The following PTPN4 variants were observed in gnomAD, a reference collection of about 807,000 sequenced individuals.
The protein encoded by PTPN4 is tyrosine-protein phosphatase non-receptor type 4.
PTPN4 carries 49 observed loss-of-function variants against 135.5 expected under a neutral mutation model. That is an observed-to-expected ratio of 0.36 (90% CI 0.29 to 0.46). PTPN4 has a LOEUF of 0.46. Ranked by LOEUF, PTPN4 falls within the 20% of genes least tolerant of loss-of-function variation. The pLI is 1.00. For synonymous variants in PTPN4, 333 were observed against 369.9 expected (o/e 0.90, Z 1.14); for missense variants, 860 against 1,101.0 (o/e 0.78, Z 3.10).
intron 19 of PTPN4, among the ~76,000 whole-genome samples, chr2:119,952,334 A>G (rs1167527853): frequency 1.3e-5 from 2 of 151,472 alleles, no homozygotes; most frequent in East Asian, 1.9e-4. Context: ...ACTTTCCTCT[A>G]TTCTACACTA....
rs70949378 is a variant in PTPN4 at position 119,973,655 on chromosome 2, GTTTTTTT to G, written c.2695-3308_2695-3302del. ...TTGAAAGCTTCCTCCTTCATTTCTT[GTTTTTTT>G]TTTTTTTTTTTTTTTTTTTTGGTAA... On this transcript the variant is annotated intron_variant, in intron 26 of 26. Transcript: ENST00000263708. Among the ~76,000 whole-genome samples the G allele has an allele frequency of 8.6e-4, 33 of 38,390 alleles. No individual in the cohort carries two copies. In the South Asian group the frequency reaches 0.018, roughly 21 times the overall value. 25.2% of individuals were successfully genotyped at this position (38,390 alleles called of 152,430 possible).
intron 18 of PTPN4, among the ~76,000 whole-genome samples, chr2:119,951,690 A>G (rs1163770351): frequency 6.6e-6 from 1 of 152,212 alleles, no homozygotes; most frequent in South Asian, 2.1e-4. Context: ...GACAGTGTAA[A>G]GCTAAAGCTA....
intron 26 of PTPN4, among the ~76,000 whole-genome samples, chr2:119,968,551 G>A (rs1679477911): frequency 6.6e-6 from 1 of 152,142 alleles, no homozygotes; most frequent in Non-Finnish European, 1.5e-5. Context: ...CAGCACTTTG[G>A]GAGGCCGAGG....
At chr2:119,841,045 T>C (rs570247652) in intron 2 of PTPN4, among the ~76,000 whole-genome samples, 23 of 152,218 alleles carry the variant, frequency 1.5e-4, no homozygotes, top group African/African-American at 4.6e-4. Context: ...GATAGGCTTT[T>C]TTCTTTTTTT....
At chr2:119,801,601 A>G (rs1390121724) in intron 1 of PTPN4, among the ~76,000 whole-genome samples, 1 of 152,146 alleles carries the variant, frequency 6.6e-6, no homozygotes, top group Non-Finnish European at 1.5e-5. Flanking sequence ...AGTTTTTAGC[A>G]TAGAAGTTCT....
intron 2 of PTPN4, among the ~76,000 whole-genome samples, chr2:119,842,062 CAT>C (rs1677389285): frequency 6.6e-6 from 1 of 152,178 alleles, no homozygotes; most frequent in Non-Finnish European, 1.5e-5. Context: ...CAGTTTACAA[CAT>C]ATGATTTCAT....
chr2:119,862,025 AAT>A (rs1212429767), intron 2 of PTPN4, among the ~76,000 whole-genome samples: 1 of 152,212 alleles, frequency 6.6e-6, no homozygotes, highest in East Asian at 1.9e-4. Flanking sequence ...TATTTAGCCA[AAT>A]ATGTCACTTT....
chr2:119,870,427 G>A (rs1677894099), intron 3 of PTPN4, among the ~76,000 whole-genome samples: 3 of 152,166 alleles, frequency 2.0e-5, no homozygotes, highest in Admixed American at 1.3e-4. Context: ...AGTTTCATTG[G>A]TAAAACCAGT....
rs2105005344 is a variant in PTPN4, at chr2:119,886,199, T to G, written c.675+317T>G. Among the ~76,000 whole-genome samples, 2 of 152,336 alleles carry G rather than the reference T, an allele frequency of 1.3e-5. 1 individual carries two copies. The highest frequency in any genetic ancestry group is 4.1e-4 in the South Asian group (2 of 4,828). On this transcript the variant is annotated intron_variant, in intron 9 of 26. Coordinates refer to ENST00000263708, the MANE Select transcript of PTPN4 (RefSeq NM_002830.4). ...TATAGGAAAAGTGGCTTTTGTATAC[T>G]TTTATAATAATGATCATTAAAAATG... is the stretch of plus-strand genomic sequence containing the variant.
At chr2:119,894,638 A>G (rs1360607401) in intron 9 of PTPN4, among the ~76,000 whole-genome samples, 1 of 152,234 alleles carries the variant, frequency 6.6e-6, no homozygotes, top group African/African-American at 2.4e-5. Flanking sequence ...TTGGAAAAGA[A>G]CATACTGCTA....
intron 1 of PTPN4, among the ~76,000 whole-genome samples, chr2:119,764,813 C>T (rs1027291422): frequency 6.6e-6 from 1 of 152,124 alleles, no homozygotes; most frequent in African/African-American, 2.4e-5. Flanking sequence ...ACTGTAACAA[C>T]GTTTACCCTT....
intron 12 of PTPN4, among the ~76,000 whole-genome samples, chr2:119,921,743 G>A (rs894455293): frequency 6.6e-6 from 1 of 151,776 alleles, no homozygotes; most frequent in South Asian, 2.1e-4. Context: ...CAAGGAAAAA[G>A]CAAAGAGCCT....
intron 3 of PTPN4, among the ~76,000 whole-genome samples, chr2:119,871,301 C>T (rs1042709111): frequency 3.3e-5 from 5 of 151,580 alleles, no homozygotes; most frequent in African/African-American, 4.9e-5. Context: ...CAGCATATAT[C>T]AAAATTTAAA....
chr2:119,787,099 G>T (rs1368323567), intron 1 of PTPN4, among the ~76,000 whole-genome samples: 3 of 152,044 alleles, frequency 2.0e-5, no homozygotes, highest in Non-Finnish European at 2.9e-5. Context: ...GTGCACACGT[G>T]TGCATGTGTG....
intron 1 of PTPN4, among the ~76,000 whole-genome samples, chr2:119,773,464 G>A (rs941048141): frequency 7.2e-5 from 11 of 152,024 alleles, no homozygotes; most frequent in Admixed American, 1.3e-4. Context: ...CTGGCTGGGC[G>A]CGGTGGCTCA....
At chr2:119,922,288 G>A (rs1477207881) in intron 12 of PTPN4, among the ~76,000 whole-genome samples, 4 of 151,368 alleles carry the variant, frequency 2.6e-5, no homozygotes, top group African/African-American at 9.7e-5. Flanking sequence ...GGCTGTTACT[G>A]CCCTTGGGGA....
In PTPN4 at chr2:119,945,174, G is replaced by T. The variant is rs374203083; in HGVS notation, c.1449G>T (p.Ser483=). 6.3e-7 allele frequency: 1 copy of T among 1,594,986 alleles called. No homozygotes were observed. The highest frequency in any genetic ancestry group is 8.5e-7 in the Non-Finnish European group (1 of 1,171,886). Residue 483 remains serine (S), a synonymous_variant, in exon 16 of 27, where the codon TCG becomes TCT. Coordinates refer to ENST00000263708, the MANE Select transcript of PTPN4 (RefSeq NM_002830.4). The part of the protein sequence containing the change: ...NSWNQIHYSH[S]QQDLESHINE... The stretch of plus-strand genomic sequence containing the variant: ...GGAACCAAATTCATTATTCACATTC[G>T]CAACAAGATCTAGAAAGTCATATTA...
At chr2:119,949,508 A>G (rs1253067135) in intron 18 of PTPN4, among the ~76,000 whole-genome samples, 2 of 152,206 alleles carry the variant, frequency 1.3e-5, no homozygotes, top group African/African-American at 4.8e-5. Flanking sequence ...CTGTTTGATA[A>G]TCTTAGCCAA....
At chr2:119,823,927 C>T (rs1411607299) in intron 2 of PTPN4, among the ~76,000 whole-genome samples, 4 of 152,200 alleles carry the variant, frequency 2.6e-5, no homozygotes, top group Non-Finnish European at 4.4e-5. Context: ...TCTGGCTCCC[C>T]TGAGGCCACC....
Sources: allele counts gnomAD v4.1 joint callset (sites outside exome capture counted in the v4.1 genomes callset), GRCh38; gene constraint gnomAD v4.1.1; transcripts MANE v1.5; gene names NCBI Gene and HGNC (gene_info 2026-07-23, HGNC 2026-07-21).